FOCAD: variants seen among roughly 807,000 people sequenced by gnomAD.
The protein encoded by FOCAD is KIAA1797.
FOCAD carries 198 observed loss-of-function variants against 225.6 expected under a neutral mutation model. That is an observed-to-expected ratio of 0.88 (90% CI 0.78 to 0.99). The LOEUF is 0.99. Ranked by LOEUF, FOCAD falls within the 50% of genes least tolerant of loss-of-function variation. The probability of loss-of-function intolerance (pLI) is 0.00; values close to 1 mark genes in which losing one functional copy is unlikely to be tolerated. For synonymous variants in FOCAD, 897 were observed against 755.0 expected (o/e 1.19, Z -3.08); for missense variants, 2,713 against 2,123.6 (o/e 1.28, Z -5.46).
At chr9:20,906,303 C>A (rs1247096523) in intron 21 of FOCAD, among the ~76,000 whole-genome samples, 3 of 151,878 alleles carry the variant, frequency 2.0e-5, no homozygotes, top group Non-Finnish European at 2.9e-5. Flanking sequence ...TAATTACATA[C>A]AAATTTGTTT....
At chr9:20,722,849 C>G (rs190485741) in intron 4 of FOCAD, among the ~76,000 whole-genome samples, 1 of 151,934 alleles carries the variant, frequency 6.6e-6, no homozygotes, top group Non-Finnish European at 1.5e-5. Flanking sequence ...TTTTTGCCCC[C>G]CACCCCACAT....
intron 42 of FOCAD, among the ~76,000 whole-genome samples, chr9:20,992,853 C>T (rs746003896): frequency 5.3e-5 from 8 of 152,120 alleles, no homozygotes; most frequent in Non-Finnish European, 1.0e-4. Context: ...GTCCCCGCTG[C>T]TCTGGAGGCT....
At chr9:20,927,695 A>G (rs1835088783) in intron 26 of FOCAD, 1 of 152,134 alleles carries the variant, frequency 6.6e-6, no homozygotes, top group South Asian at 2.1e-4. Context: ...GTCCTACCCT[A>G]TTACTATCCA....
At chr9:20,751,260 C>G (rs1236786829) in intron 5 of FOCAD, among the ~76,000 whole-genome samples, 7 of 149,078 alleles carry the variant, frequency 4.7e-5, no homozygotes, top group African/African-American at 1.5e-4. Context: ...GCTGCACCCA[C>G]TAACTCGTCA....
At chr9:20,693,400 C>G (rs533692172) in intron 1 of FOCAD, among the ~76,000 whole-genome samples, 53 of 152,294 alleles carry the variant, frequency 3.5e-4, no homozygotes, top group African/African-American at 1.3e-3. Context: ...CTATCCTCCA[C>G]TCTGGTTTAC....
chr9:20,773,676 A>C (rs1818459476), intron 8 of FOCAD, among the ~76,000 whole-genome samples: 1 of 152,106 alleles, frequency 6.6e-6, no homozygotes, highest in Non-Finnish European at 1.5e-5. Context: ...GTGTATCTCT[A>C]ATCACTGTAA....
chr9:20,897,253 A>G (rs1235868704), intron 21 of FOCAD, among the ~76,000 whole-genome samples: 1 of 151,680 alleles, frequency 6.6e-6, no homozygotes, highest in African/African-American at 2.4e-5. Flanking sequence ...GTCTTTCTCT[A>G]TCCATTTACG....
intron 5 of FOCAD, among the ~76,000 whole-genome samples, chr9:20,745,788 G>A (rs1361324417): frequency 6.6e-6 from 1 of 152,136 alleles, no homozygotes; most frequent in Non-Finnish European, 1.5e-5. Context: ...ACATGAAGCT[G>A]TACTTTCTGA....
In FOCAD at chr9:20,823,065, A is replaced by C. The variant is rs776956959; in HGVS notation, c.1870A>C (p.Thr624Pro). The C allele has an allele frequency of 4.3e-6, 7 of 1,609,376 alleles. No individual in the cohort carries two copies. Among genetic ancestry groups the C allele is most frequent in the Non-Finnish European group, 5.1e-6 (6 of 1,178,110 alleles). ...LNECTKPDQATPAALVLQGLH... is the reference protein window; with the variant it reads ...LNECTKPDQAPPAALVLQGLH... Reference sequence around the variant, plus strand: ...TGAATGCACCAAGCCTGATCAAGCTACTCCAGCAGCCTTGGTATTACAGGG... The same window carrying C: ...TGAATGCACCAAGCCTGATCAAGCTCCTCCAGCAGCCTTGGTATTACAGGG... The change falls in exon 15 of 44, where the codon ACT becomes CCT. Residue 624 changes from threonine (T) to proline (P), a missense_variant. Coordinates refer to ENST00000338382, the MANE Select transcript of FOCAD (RefSeq NM_001375567.1).
intron 11 of FOCAD, among the ~76,000 whole-genome samples, chr9:20,795,465 A>G (rs1820956259): frequency 6.6e-6 from 1 of 152,174 alleles, no homozygotes; most frequent in Non-Finnish European, 1.5e-5. Flanking sequence ...ATGAAAACAA[A>G]AAGCTAGATA....
At chr9:20,780,839 G>A (rs1819288745) in intron 9 of FOCAD, among the ~76,000 whole-genome samples, 3 of 152,156 alleles carry the variant, frequency 2.0e-5, no homozygotes, top group Admixed American at 2.0e-4. Context: ...CAATATTTAG[G>A]CAAGAAAAGT....
At chr9:20,735,558 C>T (rs966282818) in intron 4 of FOCAD, among the ~76,000 whole-genome samples, 17 of 151,482 alleles carry the variant, frequency 1.1e-4, no homozygotes, top group African/African-American at 3.9e-4. Context: ...TTCTGTCATC[C>T]AGGTTTGAGT....
intron 35 of FOCAD, among the ~76,000 whole-genome samples, chr9:20,962,923 G>A (rs1427550608): frequency 1.3e-5 from 2 of 152,194 alleles, no homozygotes; most frequent in Non-Finnish European, 2.9e-5. Context: ...CTGTTGTTTA[G>A]ATGTGGATTC....
chr9:20,708,289 A>G (rs1824553575), intron 1 of FOCAD, among the ~76,000 whole-genome samples: 1 of 152,212 alleles, frequency 6.6e-6, no homozygotes, highest in African/African-American at 2.4e-5. Flanking sequence ...AATTTGTGGG[A>G]GGAAGAAACT....
intron 10 of FOCAD, among the ~76,000 whole-genome samples, chr9:20,788,178 C>A (rs1170809581): frequency 6.6e-6 from 1 of 152,086 alleles, no homozygotes; most frequent in Non-Finnish European, 1.5e-5. Flanking sequence ...CATGGATGAA[C>A]CTTGAAATCA....
At chr9:20,814,221 C>T (rs1587273437) in intron 11 of FOCAD, among the ~76,000 whole-genome samples, 1 of 151,994 alleles carries the variant, frequency 6.6e-6, no homozygotes, top group African/African-American at 2.4e-5. Flanking sequence ...TTACTATTGC[C>T]ATTTTGTTAA....
chr9:20,705,883 TAGAGA>T (rs1824337967), intron 1 of FOCAD, among the ~76,000 whole-genome samples: 1 of 150,998 alleles, frequency 6.6e-6, no homozygotes, highest in South Asian at 2.1e-4. Context: ...ACAGAATAAT[TAGAGA>T]AAATTTGTAA....
In FOCAD at chr9:20,849,272, C is replaced by T. The variant is rs1026801358; in HGVS notation, c.1921-13306C>T. Among the ~76,000 whole-genome samples the T allele has an allele frequency of 2.6e-5, 4 of 151,854 alleles. No homozygotes were observed. In the South Asian group the frequency reaches 8.3e-4, roughly 32 times the overall value. The stretch of plus-strand genomic sequence containing the variant: ...CATTTCTTCTTGGTGCCCTTTGTTT[C>T]CTCTTGTTTTTAAATATATTTTCCA... On this transcript the variant is annotated intron_variant, in intron 15 of 43. Coordinates refer to ENST00000338382, the MANE Select transcript of FOCAD (RefSeq NM_001375567.1).
intron 5 of FOCAD, among the ~76,000 whole-genome samples, chr9:20,743,909 C>G (rs1827831634): frequency 6.6e-6 from 1 of 152,070 alleles, no homozygotes; most frequent in Non-Finnish European, 1.5e-5. Context: ...TTTTCTTTGT[C>G]TATTTGGGTG....
Sources: allele counts gnomAD v4.1 joint callset (sites outside exome capture counted in the v4.1 genomes callset), GRCh38; gene constraint gnomAD v4.1.1; transcripts MANE v1.5; gene names NCBI Gene and HGNC (gene_info 2026-07-23, HGNC 2026-07-21).